Variants in TPRG1 observed in about 807,000 individuals in gnomAD.
TPRG1 encodes tumor protein p63 regulated 1, also known as tumor protein p63-regulated gene 1 protein.
TPRG1 carries 29 observed loss-of-function variants against 29.3 expected under a neutral mutation model. That is an observed-to-expected ratio of 0.99 (90% CI 0.74 to 1.35). The LOEUF (loss-of-function observed/expected upper bound fraction) is 1.35, where lower values mean the gene tolerates loss of function less well. Among genes scored for constraint, TPRG1 ranks in the 40% most tolerant of loss-of-function variants. The pLI, the probability that TPRG1 is intolerant of heterozygous loss-of-function variation, is 0.00. For missense variants in TPRG1, 327 were observed against 335.0 expected, an observed-to-expected ratio of 0.98 and a Z score of 0.19; for synonymous variants, 130 against 116.8, an observed-to-expected ratio of 1.11 and a Z score of -0.73.
chr3:189,146,249 G>C (rs563003091), intron 3 of TPRG1, among the ~76,000 whole-genome samples: 1 of 152,202 alleles, frequency 6.6e-6, no homozygotes, highest in African/African-American at 2.4e-5. Flanking sequence ...TTTCATGTTG[G>C]GCAGTGAGTT....
intron 4 of TPRG1, among the ~76,000 whole-genome samples, chr3:189,046,923 CA>C (rs1024922884): frequency 5.9e-5 from 9 of 152,060 alleles, no homozygotes; most frequent in African/African-American, 1.7e-4. Context: ...CAAAACAAAA[CA>C]AAACAAAACG....
At chr3:189,063,492 TTA>T (rs959646972) in intron 4 of TPRG1, among the ~76,000 whole-genome samples, 2 of 152,108 alleles carry the variant, frequency 1.3e-5, no homozygotes, top group African/African-American at 4.8e-5. Context: ...TAACATTCAG[TTA>T]TATATTCCAT....
intron 4 of TPRG1, among the ~76,000 whole-genome samples, chr3:189,057,908 G>A (rs970643272): frequency 3.4e-5 from 5 of 146,536 alleles, no homozygotes; most frequent in African/African-American, 5.0e-5. Context: ...ATATACACAC[G>A]TATATATCTT....
chr3:189,090,984 T>C (rs1340225278), intron 4 of TPRG1, among the ~76,000 whole-genome samples: 1 of 152,162 alleles, frequency 6.6e-6, no homozygotes, highest in African/African-American at 2.4e-5. Flanking sequence ...TCTACCATAG[T>C]AGATATTTGA....
At chr3:189,272,542 A>G (rs977986680) in intron 4 of TPRG1, among the ~76,000 whole-genome samples, 1 of 152,188 alleles carries the variant, frequency 6.6e-6, no homozygotes, top group Non-Finnish European at 1.5e-5. Flanking sequence ...TCGTTCTTCA[A>G]ATCAGCTCAG....
intron 1 of TPRG1, among the ~76,000 whole-genome samples, chr3:189,183,912 A>G (rs1730575467): frequency 6.6e-6 from 1 of 151,788 alleles, no homozygotes; most frequent in Non-Finnish European, 1.5e-5. Context: ...TAAGAGATTA[A>G]AGTAAAGACA....
intron 5 of TPRG1, among the ~76,000 whole-genome samples, chr3:189,312,220 A>T (rs1313629415): frequency 9.6e-6 from 1 of 104,214 alleles, no homozygotes; most frequent in African/African-American, 4.4e-5. Flanking sequence ...TTTCTTTCTT[A>T]AGACGGAGTC....
chr3:189,279,465 C>A (rs559699796), intron 4 of TPRG1, among the ~76,000 whole-genome samples: 2 of 152,050 alleles, frequency 1.3e-5, no homozygotes, highest in Non-Finnish European at 2.9e-5. Context: ...GTCAGGTGGA[C>A]CTTCATTCAG....
chr3:189,202,941 A>G (rs1733735430), intron 1 of TPRG1, among the ~76,000 whole-genome samples: 1 of 152,170 alleles, frequency 6.6e-6, no homozygotes, highest in Non-Finnish European at 1.5e-5. Context: ...AAATGGGGCA[A>G]CTTGAAGAGC....
chr3:189,136,782 C>T (rs1723797032), intron 3 of TPRG1, among the ~76,000 whole-genome samples: 1 of 152,122 alleles, frequency 6.6e-6, no homozygotes, highest in Admixed American at 6.6e-5. Flanking sequence ...AGTTTGGGGG[C>T]AATCCATACA....
At chr3:189,100,628 G>A (rs576152933) in intron 1 of TPRG1, among the ~76,000 whole-genome samples, 1 of 152,182 alleles carries the variant, frequency 6.6e-6, no homozygotes, top group Non-Finnish European at 1.5e-5. Flanking sequence ...ACCCTGAAAA[G>A]TAGCTAGTAG....
intron 4 of TPRG1, among the ~76,000 whole-genome samples, chr3:189,255,050 C>T (rs572657148): frequency 1.3e-5 from 2 of 152,242 alleles, no homozygotes; most frequent in South Asian, 4.2e-4. Flanking sequence ...CCAGAACTTC[C>T]AATACTATGT....
chr3:189,105,276 T>C (rs1362804754), intron 1 of TPRG1, among the ~76,000 whole-genome samples: 1 of 152,106 alleles, frequency 6.6e-6, no homozygotes, highest in Non-Finnish European at 1.5e-5. Flanking sequence ...TAGAAGAAAC[T>C]CTAAAGCTTA....
chr3:189,221,026 CT>C (rs946094044), intron 3 of TPRG1, among the ~76,000 whole-genome samples: 15 of 152,152 alleles, frequency 9.9e-5, no homozygotes, highest in Non-Finnish European at 1.9e-4. Flanking sequence ...ACTCTCCAAA[CT>C]GTCAATGACA....
chr3:189,143,381 G>T (rs1367635470), intron 3 of TPRG1, among the ~76,000 whole-genome samples: 1 of 152,186 alleles, frequency 6.6e-6, no homozygotes, highest in Non-Finnish European at 1.5e-5. Flanking sequence ...TTGAGATACT[G>T]CCTGTCGATG....
At chr3:189,142,870 C>G (rs73890983) in intron 3 of TPRG1, among the ~76,000 whole-genome samples, 2 of 152,190 alleles carry the variant, frequency 1.3e-5, no homozygotes, top group East Asian at 1.9e-4. Flanking sequence ...ACTTCCAAAC[C>G]TACTTTAATG....
At chr3:189,270,903 A>G (rs1398668696) in intron 4 of TPRG1, among the ~76,000 whole-genome samples, 3 of 152,166 alleles carry the variant, frequency 2.0e-5, no homozygotes, top group Admixed American at 6.5e-5. Context: ...AATGATAATA[A>G]TAATAATAAA....
intron 1 of TPRG1, among the ~76,000 whole-genome samples, chr3:188,999,273 G>A (rs963327966): frequency 6.6e-6 from 1 of 152,150 alleles, no homozygotes; most frequent in Admixed American, 6.5e-5. Flanking sequence ...ATTAAATGGG[G>A]TGGTGGTGAG....
chr3:189,204,947 T>TCA (rs35018569), intron 1 of TPRG1, among the ~76,000 whole-genome samples: 3,037 of 147,148 alleles, frequency 0.021, 32 homozygotes, highest in Middle Eastern at 0.038. Context: ...TCTCTCTCTC[T>TCA]CACACACACA....
Sources: allele counts gnomAD v4.1 joint callset (sites outside exome capture counted in the v4.1 genomes callset), GRCh38; gene constraint gnomAD v4.1.1; transcripts MANE v1.5; gene names NCBI Gene and HGNC (gene_info 2026-07-23, HGNC 2026-07-21).